ZC3H18: variants seen among roughly 807,000 people sequenced by gnomAD.
The protein encoded by ZC3H18 is zinc finger CCCH domain-containing protein 18.
ZC3H18 carries 8 observed loss-of-function variants against 106.1 expected under a neutral mutation model. That is an observed-to-expected ratio of 0.08 (90% CI 0.04 to 0.14). The LOEUF (loss-of-function observed/expected upper bound fraction) is 0.14. Among genes scored for constraint, ZC3H18 ranks in the 10% least tolerant of loss-of-function variants. The pLI, the probability that ZC3H18 is intolerant of heterozygous loss-of-function variation, is 1.00. For missense variants in ZC3H18, 1,318 were observed against 1,278.4 expected (o/e 1.03, Z -0.47); for synonymous variants, 635 against 522.1 (o/e 1.22, Z -2.95).
At chr16:88,582,519 G>C (rs969374354) in intron 2 of ZC3H18, among the ~76,000 whole-genome samples, 1 of 152,138 alleles carries the variant, frequency 6.6e-6, no homozygotes, top group Admixed American at 6.5e-5. Context: ...TCTTCAGCGA[G>C]CCTCATGGCT....
intron 5 of ZC3H18, 73 bp from the exon 6 acceptor site, chr16:88,599,718 C>T: frequency 1.3e-6 from 2 of 1,533,394 alleles, no homozygotes; most frequent in Non-Finnish European, 1.8e-6. Context: ...GGTGGGACGG[C>T]TCCCTTTGTG....
chr16:88,598,294 G>A lies in ZC3H18; in HGVS notation c.805G>A (p.Gly269Arg), dbSNP rs372349936. The change falls in exon 4 of 18, where the codon GGA becomes AGA. Residue 269 changes from glycine (G) to arginine (R), a missense_variant. By Grantham distance (125) the Gly-to-Arg change is moderately radical. Coordinates refer to ENST00000301011, the MANE Select transcript of ZC3H18 (RefSeq NM_144604.4). ...PFPPNGAPPL[G>R]PHPLMPANPW... ...CCCGCCTAATGGTGCCCCGCCTCTC[G>A]GACCTCACCCGCTGATGCCCGCCAA... The A allele has an allele frequency of 3.1e-6, 5 of 1,606,236 alleles. No homozygotes were observed. The highest frequency in any genetic ancestry group is 4.2e-6 in the Non-Finnish European group (5 of 1,177,930).
chr16:88,617,338 T>A (rs1905681150), intron 8 of ZC3H18, among the ~76,000 whole-genome samples: 1 of 152,188 alleles, frequency 6.6e-6, no homozygotes, highest in Admixed American at 6.5e-5. Context: ...CCGTCCTAGT[T>A]TGCCTTTTGA....
In ZC3H18 at chr16:88,628,814, CCCT is replaced by C. The variant is rs1452410823; in HGVS notation, c.2532_2534del (p.Pro845del). 2.5e-6 allele frequency: 4 copies of C among 1,613,974 alleles called. No homozygotes were observed. The highest frequency in any genetic ancestry group is 2.7e-5 in the African/African-American group (2 of 74,922). On this transcript the variant is annotated inframe_deletion, in exon 16 of 18. Transcript: ENST00000301011. ...AACCATCAGACAAGGACAGGCAGAG[CCCT>C]CCTCCAGCCAAGCGGCCCAACACAT...
chr16:88,624,267 C>T (rs1033444383), intron 11 of ZC3H18: 14 of 735,436 alleles, frequency 1.9e-5, no homozygotes, highest in South Asian at 3.7e-5. Flanking sequence ...AGCACTCCCT[C>T]GGGAACCCTG....
At chr16:88,597,003 C>T (rs1904475193) in intron 3 of ZC3H18, among the ~76,000 whole-genome samples, 2 of 152,336 alleles carry the variant, frequency 1.3e-5, no homozygotes, top group Non-Finnish European at 2.9e-5. Flanking sequence ...TCACTGCAAG[C>T]TCCACCTCCT....
chr16:88,571,405 C>T (rs1369883104), intron 1 of ZC3H18, among the ~76,000 whole-genome samples: 1 of 152,210 alleles, frequency 6.6e-6, no homozygotes, highest in Non-Finnish European at 1.5e-5. Context: ...GTTAGACTCA[C>T]CTCCAGCCTG....
chr16:88,625,337 G>A (rs1024968743), intron 13 of ZC3H18, 70 bp downstream of exon 13: 2 of 1,544,084 alleles, frequency 1.3e-6, no homozygotes, highest in South Asian at 2.4e-5. Flanking sequence ...GAAGCAGCCA[G>A]TGTGGGTTGG....
intron 1 of ZC3H18, among the ~76,000 whole-genome samples, chr16:88,573,600 G>A (rs1914545613): frequency 6.6e-6 from 1 of 151,866 alleles, no homozygotes; most frequent in Non-Finnish European, 1.5e-5. Context: ...ATAAAAAGAC[G>A]AGGGTCTTAC....
In ZC3H18 at chr16:88,574,667, A is replaced by ATTT. The variant is rs35816940; in HGVS notation, c.-14-2419_-14-2417dup. Among the ~76,000 whole-genome samples the ATTT allele has an allele frequency of 4.1e-3, 324 of 79,848 alleles. 16 individuals carry two copies. Among genetic ancestry groups the ATTT allele is most frequent in the Non-Finnish European group, 5.8e-3 (250 of 43,410 alleles). 52.4% of individuals were successfully genotyped at this position (79,848 alleles called of 152,430 possible). A position where few individuals can be genotyped will look rare whatever the true frequency, so the allele number is the denominator to read the frequency against. ...ACAGGTGCCCTACCACACCCAGCTA[A>ATTT]TTTTTTTTTTTTTTTTTTTTTTTTT... On this transcript the variant is annotated intron_variant, in intron 1 of 17. Transcript: ENST00000301011.
At chr16:88,571,727 C>G in intron 1 of ZC3H18, 1 of 967,262 alleles carries the variant, frequency 1.0e-6, no homozygotes, top group Non-Finnish European at 1.2e-6. Flanking sequence ...TTTGTCACAG[C>G]TACAGAGCAT....
chr16:88,625,108 G>A, intron 12 of ZC3H18, 94 bp from the exon 13 acceptor site: 1 of 1,431,262 alleles, frequency 7.0e-7, no homozygotes, highest in Non-Finnish European at 9.6e-7. Flanking sequence ...GGCCAGTCTG[G>A]AGGCTCACCT....
intron 8 of ZC3H18, among the ~76,000 whole-genome samples, chr16:88,614,650 G>C (rs1905468519): frequency 6.6e-6 from 1 of 152,244 alleles, no homozygotes; most frequent in African/African-American, 2.4e-5. Context: ...ACATATTTCA[G>C]ATGTTTTTAA....
intron 2 of ZC3H18, 35 bp downstream of exon 2, chr16:88,577,761 C>T (rs201301897): frequency 6.2e-4 from 994 of 1,611,838 alleles, no homozygotes; most frequent in Non-Finnish European, 7.9e-4. Flanking sequence ...GCGGGGCATC[C>T]TGCCCAGCAG....
chr16:88,575,108 C>T (rs923394889), intron 1 of ZC3H18, among the ~76,000 whole-genome samples: 1 of 151,722 alleles, frequency 6.6e-6, no homozygotes, highest in African/African-American at 2.4e-5. Context: ...GGATTACAGG[C>T]GTGAGCCACC....
At chr16:88,591,912 T>C (rs1388795512) in intron 3 of ZC3H18, among the ~76,000 whole-genome samples, 1 of 152,190 alleles carries the variant, frequency 6.6e-6, no homozygotes, top group Admixed American at 6.5e-5. Flanking sequence ...GTTTCATCTT[T>C]TGAGGAACCG....
chr16:88,623,177 G>A (rs1320666112), intron 9 of ZC3H18, 42 bp from the exon 10 acceptor site: 1 of 1,599,748 alleles, frequency 6.3e-7, no homozygotes, highest in Non-Finnish European at 8.5e-7. Flanking sequence ...GGCAGGGAGG[G>A]CCCTTCTCAC....
intron 2 of ZC3H18, among the ~76,000 whole-genome samples, chr16:88,585,242 A>G (rs1036687969): frequency 2.0e-5 from 3 of 152,232 alleles, no homozygotes; most frequent in Admixed American, 6.5e-5. Flanking sequence ...TTTTCCTTAT[A>G]AAATACTTTT....
intron 2 of ZC3H18, among the ~76,000 whole-genome samples, chr16:88,585,919 A>G (rs1281103676): frequency 6.6e-6 from 1 of 152,068 alleles, no homozygotes; most frequent in Non-Finnish European, 1.5e-5. Flanking sequence ...TCAGGTGGGC[A>G]GCTGGTGCCC....
Sources: allele counts gnomAD v4.1 joint callset (sites outside exome capture counted in the v4.1 genomes callset), GRCh38; gene constraint gnomAD v4.1.1; transcripts MANE v1.5; gene names NCBI Gene and HGNC (gene_info 2026-07-23, HGNC 2026-07-21).